FASN: variants seen among roughly 807,000 people sequenced by gnomAD.
FASN encodes the protein fatty acid synthase.
Under a neutral mutation model 250.0 loss-of-function variants are expected in FASN, and 50 were observed. The observed-to-expected ratio is 0.20, with a 90% confidence interval of 0.16 to 0.25. The LOEUF (loss-of-function observed/expected upper bound fraction) is 0.25. FASN is among the 10% of genes least tolerant of loss of function. FASN has a pLI of 1.00. For synonymous variants in FASN, 1,909 were observed against 1,584.0 expected, an observed-to-expected ratio of 1.21 and a Z score of -4.87; for missense variants, 3,031 against 3,498.5, an observed-to-expected ratio of 0.87 and a Z score of 3.37.
intron 3 of FASN, among the ~76,000 whole-genome samples, chr17:82,095,034 C>T (rs1311909946): frequency 6.6e-6 from 1 of 152,112 alleles, no homozygotes; most frequent in Non-Finnish European, 1.5e-5. Flanking sequence ...TGCCTCTCGT[C>T]ACTCCAGCCC....
Position 82,079,061 on chromosome 17 carries a change from T to A in FASN, c.*82A>T. 7.1e-7 allele frequency: 1 copy of A among 1,411,250 alleles called. No individual in the cohort carries two copies. Among genetic ancestry groups the A allele is most frequent in the East Asian group, 2.6e-5 (1 of 38,482 alleles). 87.4% of individuals were successfully genotyped at this position (1,411,250 alleles called of 1,614,324 possible). On this transcript the variant is annotated 3_prime_UTR_variant, in exon 43 of 43. Coordinates refer to ENST00000306749, the MANE Select transcript of FASN (RefSeq NM_004104.5). ...GACAGGGTCCCACCGGCAGGACCCT[T>A]CAATCCCGTTGCATGGCGGGGGTGG...
In FASN at chr17:82,082,419, G is replaced by A. The variant is rs200933460; in HGVS notation, c.5920-5C>T. On this transcript the variant is annotated splice_region_variant and splice_polypyrimidine_tract_variant and intron_variant, in intron 34 of 42. Transcript: ENST00000306749. ...CAGCAAGCCATCTCTCAAGACCTGG[G>A]GGAGGCATCCTCAGCACTCCCTGCA... The A allele has an allele frequency of 3.1e-6, 5 of 1,612,578 alleles. No individual in the cohort carries two copies. Among genetic ancestry groups the A allele is most frequent in the Admixed American group, 1.7e-5 (1 of 59,998 alleles).
chr17:82,085,895 C>G, intron 22 of FASN, 24 bp from the exon 23 acceptor site: 6 of 1,512,430 alleles, frequency 4.0e-6, no homozygotes, highest in Non-Finnish European at 5.3e-6. Context: ...ATTCTGGAAT[C>G]AGCCCCACAC....
rs184199903 is a variant in FASN, at chr17:82,080,074, C to T, written c.7146+66G>A. The T allele has an allele frequency of 3.5e-4, 535 of 1,515,290 alleles. 1 individual carries two copies. Among genetic ancestry groups the T allele is most frequent in the Non-Finnish European group, 3.5e-4 (381 of 1,091,968 alleles). 93.9% of individuals were successfully genotyped at this position (1,515,290 alleles called of 1,614,324 possible). On this transcript the variant is annotated intron_variant, in intron 41 of 42. Transcript: ENST00000306749. ...GCTCTTCGCGTCCCATCCCATCCTT[C>T]CCTTCCCCCTTCCGTTCCTGCCCAG... is the stretch of plus-strand genomic sequence containing the variant.
At chr17:82,082,279 C>A (rs2034003106) in intron 35 of FASN, 44 bp downstream of exon 35, 1 of 1,609,214 alleles carries the variant, frequency 6.2e-7, no homozygotes. Context: ...CGGCCCTGAG[C>A]CCAGAGCCCG....
At chr17:82,086,997 C>A in intron 21 of FASN, 53 bp downstream of exon 21, 1 of 1,590,650 alleles carries the variant, frequency 6.3e-7, no homozygotes, top group Non-Finnish European at 8.6e-7. Context: ...TGAGGGGAGG[C>A]GATCGCTCCT....
intron 40 of FASN, 39 bp from the exon 41 acceptor site, chr17:82,080,277 C>T (rs373842180): frequency 2.5e-5 from 41 of 1,611,088 alleles, no homozygotes; most frequent in South Asian, 2.5e-4. Flanking sequence ...ATGGAAGGGG[C>T]GGGGCCTCCT....
At chr17:82,095,521 TG>T in intron 2 of FASN, 49 bp from the exon 3 acceptor site, 1 of 1,604,780 alleles carries the variant, frequency 6.2e-7, no homozygotes, top group Non-Finnish European at 8.5e-7. Flanking sequence ...TGCCCAGAGG[TG>T]GGGGCCCTGT....
chr17:82,079,197 G>A lies in FASN; in HGVS notation c.7482C>T (p.Ile2494=). ...LLEGSGLESI[I]SIIHSSLAEP... ...CAGCCAGGGAGCTGTGGATGATGCT[G>A]ATGATGGACTCCAGGCCGCTGCCCT... The change falls in exon 43 of 43, where the codon ATC becomes ATT. Residue 2494 remains isoleucine, a synonymous_variant. Coordinates refer to ENST00000306749, the MANE Select transcript of FASN (RefSeq NM_004104.5). The A allele has an allele frequency of 1.2e-6, 2 of 1,612,922 alleles. No homozygotes were observed. The highest frequency in any genetic ancestry group is 1.7e-6 in the Non-Finnish European group (2 of 1,179,956).
In FASN at chr17:82,087,308, G is replaced by C; in HGVS notation, c.3223+17C>G. ...TACTTGGGTGGGGGCACTGGGCTGG[G>C]GCTGGGGCGGGGCTACCTTGGGCCT... On this transcript the variant is annotated intron_variant, in intron 20 of 42. Transcript: ENST00000306749. The C allele has an allele frequency of 1.2e-6, 2 of 1,609,746 alleles. No homozygotes were observed. Among genetic ancestry groups the C allele is most frequent in the Non-Finnish European group, 1.7e-6 (2 of 1,178,920 alleles).
At chr17:82,080,346 C>T (rs368803094) in intron 40 of FASN, 24 bp downstream of exon 40, 14 of 1,606,356 alleles carry the variant, frequency 8.7e-6, no homozygotes, top group African/African-American at 1.3e-5. Flanking sequence ...TGCCGTAGGC[C>T]TCTAGGACCA....
At position 82,081,174 on chromosome 17, in the gene FASN, A is replaced by C; in HGVS notation, c.6585T>G (p.Asp2195Glu). 1 of 1,585,252 alleles carries C rather than the reference A, an allele frequency of 6.3e-7. No individual in the cohort carries two copies. Among genetic ancestry groups the C allele is most frequent in the Non-Finnish European group, 8.6e-7 (1 of 1,166,954 alleles). The change falls in exon 38 of 43, where the codon GAT (aspartate) becomes GAG (glutamate). Residue 2195 changes from aspartate (D) to glutamate (E), a missense_variant. Transcript: ENST00000306749. ...RKLQELSSKADEASELACPTP... is the reference protein window; with the variant it reads ...RKLQELSSKAEEASELACPTP... ...GCCACCCACACGCACCGCTGGCCTC[A>C]TCCGCCTTTGAGGACAGCTCCTGCA...
Position 82,087,777 on chromosome 17 carries a change from A to G in FASN, c.2951T>C (p.Phe984Ser), listed in dbSNP as rs780512363. The change falls in exon 19 of 43, where the codon TTC becomes TCC. Residue 984 changes from phenylalanine to serine, a missense_variant. Transcript: ENST00000306749. ...CTTGTAAACTTCAGCCTGGGCCAGG[A>G]AGAGGGGCTCCGTGGGGTTGGGGGT... ...SPTPNPTEPL[F>S]LAQAEVYKEL... 6.2e-7 allele frequency: 1 copy of G among 1,612,640 alleles called. No homozygotes were observed. The highest frequency in any genetic ancestry group is 8.5e-7 in the Non-Finnish European group (1 of 1,179,980).
intron 11 of FASN, 67 bp downstream of exon 11, chr17:82,090,308 G>A: frequency 3.4e-6 from 5 of 1,468,196 alleles, no homozygotes; most frequent in Middle Eastern, 2.4e-4. Flanking sequence ...GGCTGCAGGT[G>A]AGGACCCCAC....
intron 12 of FASN, 50 bp downstream of exon 12, chr17:82,089,582 C>T (rs1325165255): frequency 1.3e-6 from 2 of 1,551,854 alleles, no homozygotes; most frequent in Non-Finnish European, 1.7e-6. Flanking sequence ...GCCAGACTTG[C>T]AATGGCAGGC....
intron 8 of FASN, among the ~76,000 whole-genome samples, chr17:82,092,246 G>A (rs1235622180): frequency 6.6e-6 from 1 of 152,210 alleles, no homozygotes; most frequent in African/African-American, 2.4e-5. Context: ...GGCCTCCAGG[G>A]AAGGCCCAGC....
intron 21 of FASN, 147 bp from the exon 22 acceptor site, chr17:82,086,705 G>A: frequency 1.4e-6 from 1 of 722,950 alleles, no homozygotes; most frequent in South Asian, 1.6e-5. Flanking sequence ...GGAAGGGGCT[G>A]CCCACCACTG....
Position 82,084,722 on chromosome 17 carries a change from G to A in FASN, c.4565-6C>T, listed in dbSNP as rs1274621021. The A allele has an allele frequency of 2.6e-6, 4 of 1,556,522 alleles. No individual in the cohort carries two copies. The highest frequency in any genetic ancestry group is 1.4e-5 in the African/African-American group (1 of 73,442). ...CGTCGGCTCCTCAGGCTTGTCTAGGGAAACAGGGAGGTGGGGCTGCTGCGG... is the reference window on the plus strand; with the variant it reads ...CGTCGGCTCCTCAGGCTTGTCTAGGAAAACAGGGAGGTGGGGCTGCTGCGG... On this transcript the variant is annotated splice_polypyrimidine_tract_variant and splice_region_variant and intron_variant, in intron 26 of 42. Transcript: ENST00000306749.
intron 35 of FASN, 22 bp downstream of exon 35, chr17:82,082,301 A>G (rs1332607874): frequency 6.2e-7 from 1 of 1,611,094 alleles, no homozygotes; most frequent in East Asian, 2.2e-5. Flanking sequence ...CAGAGGCGGG[A>G]GCAGGGCTGT....
Sources: gnomAD v4.1 joint callset for allele counts (sites outside exome capture counted in the v4.1 genomes callset) on GRCh38, gnomAD v4.1.1 for gene constraint, MANE v1.5 for transcripts, NCBI Gene and HGNC (gene_info 2026-07-23, HGNC 2026-07-21) for gene names.